CCDC7: variants seen among roughly 807,000 people sequenced by gnomAD.
CCDC7 encodes coiled-coil domain containing 7.
CCDC7 carries 183 observed loss-of-function variants against 196.9 expected under a neutral mutation model. The observed-to-expected ratio is 0.93, with a 90% CI of 0.82 to 1.05. CCDC7 has a LOEUF of 1.05. CCDC7 is among the 50% of genes least tolerant of loss of function. The probability of loss-of-function intolerance (pLI) is 0.00; values close to 1 mark genes in which losing one functional copy is unlikely to be tolerated. For missense variants in CCDC7, 1,540 were observed against 1,482.2 expected, an observed-to-expected ratio of 1.04 and a Z score of -0.64; for synonymous variants, 525 against 484.6, an observed-to-expected ratio of 1.08 and a Z score of -1.10.
chr10:32,485,917 C>G (rs181981389), intron 8 of CCDC7, among the ~76,000 whole-genome samples: 2 of 152,102 alleles, frequency 1.3e-5, no homozygotes, highest in Non-Finnish European at 2.9e-5. Context: ...TTACTTCCAA[C>G]TATGTGGTCA....
chr10:32,459,658 T>A (rs1191285341), intron 3 of CCDC7, among the ~76,000 whole-genome samples: 1 of 146,584 alleles, frequency 6.8e-6, no homozygotes, highest in African/African-American at 2.5e-5. Context: ...TTTTTTTTTT[T>A]TTTTTTTTTT....
downstream of CCDC7, among the ~76,000 whole-genome samples, chr10:32,879,874 C>T (rs558566809): frequency 1.6e-4 from 25 of 152,048 alleles, no homozygotes; most frequent in East Asian, 3.9e-4. Context: ...TCCCTGCAAA[C>T]GACATGATCT....
At chr10:32,598,860 A>G (rs1335285903) in intron 18 of CCDC7, among the ~76,000 whole-genome samples, 2 of 152,164 alleles carry the variant, frequency 1.3e-5, no homozygotes, top group Non-Finnish European at 2.9e-5. Flanking sequence ...TGTTCTATGT[A>G]CACTAGAAAA....
intron 28 of CCDC7, among the ~76,000 whole-genome samples, chr10:32,749,782 T>G: frequency 6.6e-6 from 1 of 152,184 alleles, no homozygotes; most frequent in South Asian, 2.1e-4. Context: ...TAAACAGTGT[T>G]TACTACAAAA....
chr10:32,519,192 GT>G (rs1238303543), intron 11 of CCDC7, among the ~76,000 whole-genome samples: 1 of 152,108 alleles, frequency 6.6e-6, no homozygotes, highest in Non-Finnish European at 1.5e-5. Flanking sequence ...TATATGTTCA[GT>G]TTAGGAATAG....
chr10:32,639,893 A>G (rs1194977163), intron 20 of CCDC7, among the ~76,000 whole-genome samples: 7 of 152,144 alleles, frequency 4.6e-5, no homozygotes, highest in Non-Finnish European at 8.8e-5. Flanking sequence ...CTGGGATTAC[A>G]AGCGTGAGCC....
intron 20 of CCDC7, among the ~76,000 whole-genome samples, chr10:32,646,137 C>G (rs2067729617): frequency 7.0e-6 from 1 of 142,344 alleles, no homozygotes. Context: ...TGAGTTCTTT[C>G]TAGTTTTTTT....
At chr10:32,751,894 G>T (rs1315696953) in intron 28 of CCDC7, among the ~76,000 whole-genome samples, 1 of 152,100 alleles carries the variant, frequency 6.6e-6, no homozygotes. Context: ...ATTGGTAGAA[G>T]TTCTATCGGC....
intron 24 of CCDC7, among the ~76,000 whole-genome samples, chr10:32,697,901 T>A (rs2077994164): frequency 6.6e-6 from 1 of 152,152 alleles, no homozygotes; most frequent in African/African-American, 2.4e-5. Flanking sequence ...CCCAGTAGGC[T>A]AACTGGGAGA....
chr10:32,606,418 G>C (rs986768868), intron 18 of CCDC7, among the ~76,000 whole-genome samples: 2 of 152,214 alleles, frequency 1.3e-5, no homozygotes, highest in African/African-American at 2.4e-5. Context: ...AAGGGGCACT[G>C]TCCTCCAGAC....
exon 3 of CCDC7, chr10:32,456,257 G>A: frequency 6.5e-7 from 1 of 1,546,246 alleles, no homozygotes; most frequent in Non-Finnish European, 8.8e-7. Flanking sequence ...AAAGGTTGGG[G>A]ATGATATGAA....
At chr10:32,449,832 A>G (rs967433073), upstream of CCDC7, among the ~76,000 whole-genome samples, 2 of 152,104 alleles carry the variant, frequency 1.3e-5, no homozygotes, top group African/African-American at 4.8e-5. Flanking sequence ...CTGCCCTTAT[A>G]AAAGAGGTCT....
chr10:32,629,723 C>T (rs1440377478), intron 18 of CCDC7, among the ~76,000 whole-genome samples: 1 of 152,080 alleles, frequency 6.6e-6, no homozygotes, highest in Non-Finnish European at 1.5e-5. Flanking sequence ...CCCCTAGCCT[C>T]TCTCCAGTGA....
At chr10:32,648,552 T>A (rs1459485859) in intron 20 of CCDC7, among the ~76,000 whole-genome samples, 3 of 152,216 alleles carry the variant, frequency 2.0e-5, no homozygotes, top group Admixed American at 2.0e-4. Flanking sequence ...CTGGGTCAAA[T>A]GATATTTCTG....
chr10:32,735,086 A>G (rs924185188), intron 28 of CCDC7, among the ~76,000 whole-genome samples: 1 of 152,024 alleles, frequency 6.6e-6, no homozygotes, highest in African/African-American at 2.4e-5. Flanking sequence ...GATTTCAGTA[A>G]TTTTTTCACA....
At chr10:32,708,611 A>T (rs1021960195) in intron 24 of CCDC7, among the ~76,000 whole-genome samples, 3 of 152,202 alleles carry the variant, frequency 2.0e-5, no homozygotes, top group African/African-American at 4.8e-5. Flanking sequence ...TAAGAACTTA[A>T]ACAAATTTAC....
chr10:32,856,040 C>T (rs1045503292), intron 41 of CCDC7, among the ~76,000 whole-genome samples: 1 of 152,102 alleles, frequency 6.6e-6, no homozygotes, highest in East Asian at 1.9e-4. Flanking sequence ...AAAATAATGA[C>T]GTTGTGCCCT....
At chr10:32,654,902 T>A (rs1173910410) in intron 20 of CCDC7, among the ~76,000 whole-genome samples, 1 of 152,198 alleles carries the variant, frequency 6.6e-6, no homozygotes, top group Non-Finnish European at 1.5e-5. Flanking sequence ...AATTTTTCTT[T>A]TTGAGATTTT....
chr10:32,695,945 G>A (rs966168202), intron 24 of CCDC7, among the ~76,000 whole-genome samples: 1 of 151,886 alleles, frequency 6.6e-6, no homozygotes, highest in Non-Finnish European at 1.5e-5. Flanking sequence ...AATGCCTTAA[G>A]CAAAAGGCCA....
Sources: allele counts gnomAD v4.1 joint callset (sites outside exome capture counted in the v4.1 genomes callset), GRCh38; gene constraint gnomAD v4.1.1; transcripts MANE v1.5; gene names NCBI Gene and HGNC (gene_info 2026-07-23, HGNC 2026-07-21).